The following SMARCB1 variants were observed in gnomAD, a reference collection of about 807,000 sequenced individuals.
SMARCB1 encodes the protein SWI/SNF related BAF chromatin remodeling complex subunit B1.
Under a neutral mutation model 49.0 loss-of-function variants are expected in SMARCB1, and 5 were observed. The ratio of observed to expected loss-of-function variants is 0.10; its 90% CI spans 0.05 to 0.21. The LOEUF is 0.21. Among genes scored for constraint, SMARCB1 ranks in the 10% least tolerant of loss-of-function variants. The pLI, the probability that SMARCB1 is intolerant of heterozygous loss-of-function variation, is 1.00. For missense variants in SMARCB1, 226 were observed against 509.2 expected, an observed-to-expected ratio of 0.44 and a Z score of 5.35; for synonymous variants, 201 against 200.1, an observed-to-expected ratio of 1.00 and a Z score of -0.04.
rs2030331707 is a variant in SMARCB1, at chr22:23,825,421, A to T, written c.986+6A>T. On this transcript the variant is annotated splice_donor_region_variant and intron_variant, in intron 7 of 8. Coordinates refer to ENST00000644036, the MANE Select transcript of SMARCB1 (RefSeq NM_003073.5). Reference sequence around the variant, plus strand: ...CAGAAGACCTACGCCTTCAGGTAGGATCATGCATGAGTCTCTCCCTCCCTC... The same window carrying T: ...CAGAAGACCTACGCCTTCAGGTAGGTTCATGCATGAGTCTCTCCCTCCCTC... The T allele has an allele frequency of 1.2e-6, 2 of 1,611,560 alleles. No homozygotes were observed.
chr22:23,794,558 C>T (rs927417597), intron 3 of SMARCB1, among the ~76,000 whole-genome samples: 1 of 152,036 alleles, frequency 6.6e-6, no homozygotes, highest in Non-Finnish European at 1.5e-5. Context: ...AAATCAGTGG[C>T]TCACATAAAC....
chr22:23,803,800 G>A (rs1929324646), intron 5 of SMARCB1: 1 of 354,268 alleles, frequency 2.8e-6, no homozygotes, highest in Non-Finnish European at 5.5e-6. Context: ...GAGGCTGCAT[G>A]TGTGCCCCGT....
intron 6 of SMARCB1, among the ~76,000 whole-genome samples, chr22:23,820,581 A>G (rs2030033134): frequency 6.6e-6 from 1 of 152,242 alleles, no homozygotes; most frequent in African/African-American, 2.4e-5. Flanking sequence ...CAGTCAGTCA[A>G]TCAGTGTTTG....
chr22:23,819,931 AT>A (rs1183641332), intron 6 of SMARCB1, among the ~76,000 whole-genome samples: 1 of 151,298 alleles, frequency 6.6e-6, no homozygotes, highest in Non-Finnish European at 1.5e-5. Flanking sequence ...GATTCAAGCG[AT>A]TTTCCTGCTT....
intron 8 of SMARCB1, 115 bp from the exon 9 acceptor site, chr22:23,834,026 C>G (rs2030823164): frequency 8.7e-7 from 1 of 1,150,190 alleles, no homozygotes; most frequent in African/African-American, 1.5e-5. Flanking sequence ...GCTGGGGGCC[C>G]ACATCCTGCC....
chr22:23,795,007 C>T (rs752717532), intron 3 of SMARCB1, among the ~76,000 whole-genome samples: 1 of 152,144 alleles, frequency 6.6e-6, no homozygotes, highest in Non-Finnish European at 1.5e-5. Flanking sequence ...AGAATCTATA[C>T]ATCTAGATTT....
rs2030887637 is a variant in SMARCB1 at position 23,834,592 on chromosome 22, A to G, written c.*412A>G. The G allele has an allele frequency of 5.6e-6, 4 of 712,250 alleles. No homozygotes were observed. Among genetic ancestry groups the G allele is most frequent in the Non-Finnish European group, 1.0e-5 (4 of 398,810 alleles). 44.1% of individuals were successfully genotyped at this position (712,250 alleles called of 1,614,324 possible). On this transcript the variant is annotated 3_prime_UTR_variant, in exon 9 of 9. Transcript: ENST00000644036. ...AGGAGTGGGGCCGGGGCCTGGGGGG[A>G]CGAAGGTGGTATGTGAACAAGGTTG...
intron 3 of SMARCB1, 104 bp from the exon 4 acceptor site, chr22:23,800,840 G>A: frequency 1.1e-6 from 1 of 915,804 alleles, no homozygotes; most frequent in Non-Finnish European, 1.8e-6. Context: ...GGAGCCTCGA[G>A]CCTGACAGAG....
intron 3 of SMARCB1, among the ~76,000 whole-genome samples, chr22:23,799,377 C>T (rs1234563017): frequency 6.6e-6 from 1 of 151,478 alleles, no homozygotes; most frequent in Non-Finnish European, 1.5e-5. Context: ...CTCCTGGGTT[C>T]AAGTGATTCT....
rs1330144494 is a variant in SMARCB1, at chr22:23,816,916, G to A, written c.775G>A (p.Asp259Asn). ...PTDSILEDQSDQRVIIKLNIH... is the reference protein window; with the variant it reads ...PTDSILEDQSNQRVIIKLNIH... Reference sequence around the variant, plus strand: ...GGACAGCATCCTGGAGGACCAGTCAGACCAGCGCGTCATCATCAAGGTAGG... The same window carrying A: ...GGACAGCATCCTGGAGGACCAGTCAAACCAGCGCGTCATCATCAAGGTAGG... Residue 259 changes from aspartate (D) to asparagine (N), a missense_variant, in exon 6 of 9, where the codon GAC becomes AAC. By Grantham distance (23) the Asp-to-Asn change is conservative (BLOSUM62 1). This residue lies in a region of SMARCB1 where 128 missense variants were observed against 263.9 expected (regional missense o/e 0.49). Transcript: ENST00000644036. 1 of 1,614,076 alleles carries A rather than the reference G, an allele frequency of 6.2e-7. No homozygotes were observed. The highest frequency in any genetic ancestry group is 1.1e-5 in the South Asian group (1 of 91,090).
chr22:23,787,582 C>T (rs1042971799), intron 1 of SMARCB1, among the ~76,000 whole-genome samples: 5 of 152,190 alleles, frequency 3.3e-5, no homozygotes, highest in Non-Finnish European at 7.3e-5. Context: ...GAGTTAGCCC[C>T]TGCGACGCTT....
At position 23,834,281 on chromosome 22, in the gene SMARCB1, C is replaced by T. The variant is rs1295150146; in HGVS notation, c.*101C>T. 3.0e-6 allele frequency: 4 copies of T among 1,318,670 alleles called. No homozygotes were observed. Among genetic ancestry groups the T allele is most frequent in the Non-Finnish European group, 4.2e-6 (4 of 943,020 alleles). 81.7% of individuals were successfully genotyped at this position (1,318,670 alleles called of 1,614,324 possible). ...CAGAGGCGAGGGGACAGCCCAGCGC[C>T]ATCCTGAGGATCGGGTGGGGGTGGA... On this transcript the variant is annotated 3_prime_UTR_variant, in exon 9 of 9. Transcript: ENST00000644036.
chr22:23,801,296 C>G (rs1301177416), intron 4 of SMARCB1: 1 of 749,708 alleles, frequency 1.3e-6, no homozygotes, highest in Non-Finnish European at 2.3e-6. Flanking sequence ...CTTGCCATGT[C>G]CTCCTCACCT....
At chr22:23,801,525 G>T (rs1929154503) in intron 4 of SMARCB1, 1 of 387,244 alleles carries the variant, frequency 2.6e-6, no homozygotes, top group South Asian at 2.0e-5. Context: ...GGGCCCAGGA[G>T]CCTGGATTTA....
chr22:23,814,282 G>A (rs181682764), intron 5 of SMARCB1, among the ~76,000 whole-genome samples: 8 of 152,292 alleles, frequency 5.3e-5, no homozygotes, highest in East Asian at 1.9e-4. Flanking sequence ...CCACACAAAC[G>A]TGCCCTCCTG....
In SMARCB1 at chr22:23,837,605, T is replaced by G; in HGVS notation, c.*3425T>G. On this transcript the variant is annotated 3_prime_UTR_variant, in exon 9 of 9. Coordinates refer to ENST00000644036, the MANE Select transcript of SMARCB1 (RefSeq NM_003073.5). Reference sequence around the variant, plus strand: ...GAGGGGCCCCAGGGCATAAGCAGCGTGTCCTGAGGGGAGTGGCCAGCCTGG... The same window carrying G: ...GAGGGGCCCCAGGGCATAAGCAGCGGGTCCTGAGGGGAGTGGCCAGCCTGG... 6.4e-7 allele frequency: 1 copy of G among 1,563,314 alleles called. No individual in the cohort carries two copies. Among genetic ancestry groups the G allele is most frequent in the Non-Finnish European group, 8.7e-7 (1 of 1,148,016 alleles).
At chr22:23,814,392 A>G (rs1005690351) in intron 5 of SMARCB1, among the ~76,000 whole-genome samples, 1 of 152,204 alleles carries the variant, frequency 6.6e-6, no homozygotes, top group African/African-American at 2.4e-5. Flanking sequence ...GTAGGCTGGC[A>G]CAGTGGCTTA....
At chr22:23,833,412 G>GC (rs1468252359) in intron 7 of SMARCB1, among the ~76,000 whole-genome samples, 160 bp from the exon 8 acceptor site, 2 of 152,208 alleles carry the variant, frequency 1.3e-5, no homozygotes, top group African/African-American at 4.8e-5. Context: ...AGGCCCTGGC[G>GC]CCTCCAGCAG....
intron 1 of SMARCB1, among the ~76,000 whole-genome samples, chr22:23,788,320 G>A (rs745406778): frequency 2.6e-5 from 4 of 152,346 alleles, no homozygotes; most frequent in South Asian, 2.1e-4. Flanking sequence ...ATGTAAGGAA[G>A]TAAGTGCCAA....
Sources: allele counts gnomAD v4.1 joint callset (sites outside exome capture counted in the v4.1 genomes callset), GRCh38; gene constraint gnomAD v4.1.1; regional missense constraint gnomAD v4.1.1; transcripts MANE v1.5; gene names NCBI Gene and HGNC (gene_info 2026-07-23, HGNC 2026-07-21).